The following FOXN3 variants were observed in gnomAD, a reference collection of about 807,000 sequenced individuals.
FOXN3 encodes the protein forkhead box protein N3.
In FOXN3, 7 loss-of-function variants were observed where a neutral mutation model predicts 38.4. That is an observed-to-expected ratio of 0.18 (90% confidence interval 0.10 to 0.34). FOXN3 has a LOEUF of 0.34. FOXN3 is among the 10% of genes least tolerant of loss of function. The pLI is 1.00. For missense variants in FOXN3, 456 were observed against 613.4 expected, an observed-to-expected ratio of 0.74 and a Z score of 2.71; for synonymous variants, 230 against 242.2, an observed-to-expected ratio of 0.95 and a Z score of 0.47.
intron 4 of FOXN3, among the ~76,000 whole-genome samples, chr14:89,221,481 T>G (rs1884459491): frequency 1.3e-5 from 2 of 152,258 alleles, no homozygotes; most frequent in South Asian, 4.1e-4. Flanking sequence ...ACAGTCAGAT[T>G]TGTGATATAT....
At chr14:89,199,891 G>A (rs1888191915) in intron 4 of FOXN3, among the ~76,000 whole-genome samples, 2 of 151,958 alleles carry the variant, frequency 1.3e-5, no homozygotes, top group South Asian at 4.2e-4. Flanking sequence ...GCGACACAGC[G>A]AGACTCCATC....
In FOXN3 at chr14:89,351,758, G is replaced by A. The variant is rs138171567; in HGVS notation, c.544-950C>T. Among the ~76,000 whole-genome samples, 285 of 152,206 alleles carry A rather than the reference G, an allele frequency of 1.9e-3. 1 individual carries two copies. Among genetic ancestry groups the A allele is most frequent in the African/African-American group, 6.5e-3 (271 of 41,530 alleles). ...AAAAGAAGTTAAATTACATAAACCC[G>A]TGCCCACCTCCTGCTTTCAGCCAAC... On this transcript the variant is annotated intron_variant, in intron 2 of 5. Coordinates refer to ENST00000557258, the MANE Select transcript of FOXN3 (RefSeq NM_005197.4).
At chr14:89,279,054 C>T (rs181045642) in intron 4 of FOXN3, among the ~76,000 whole-genome samples, 1 of 152,068 alleles carries the variant, frequency 6.6e-6, no homozygotes, top group Non-Finnish European at 1.5e-5. Flanking sequence ...ATTATCACAA[C>T]AAAAGTGTCT....
At chr14:89,411,753 T>G (rs1195414911) in intron 2 of FOXN3, among the ~76,000 whole-genome samples, 181 bp downstream of exon 2, 2 of 152,110 alleles carry the variant, frequency 1.3e-5, no homozygotes, top group East Asian at 3.9e-4. Context: ...TAATAAACAG[T>G]ACATAACTAA....
At position 89,552,347 on chromosome 14, in the gene FOXN3, G is replaced by A. The variant is rs1340056821; in HGVS notation, c.-15+66681C>T. On this transcript the variant is annotated intron_variant, in intron 1 of 6. Coordinates refer to the FOXN3 transcript ENST00000345097. ...GCATGCAGTTCACATATGTGTCACC[G>A]TCACGTGTATTATCTCTGACTTATA... Among the ~76,000 whole-genome samples the A allele has an allele frequency of 7.9e-5, 12 of 152,306 alleles. No individual in the cohort carries two copies. The East Asian group carries it at 1.9e-3, about 24-fold the overall frequency.
rs1160769468 is a variant in FOXN3 at position 89,606,665 on chromosome 14, C to A, written c.-15+12363G>T. 1.3e-5 allele frequency among the ~76,000 whole-genome samples: 2 copies of A among 152,102 alleles called. 1 individual carries two copies. The highest frequency in any genetic ancestry group is 3.9e-4 in the East Asian group (2 of 5,184). On this transcript the variant is annotated intron_variant, in intron 1 of 6. Coordinates refer to the FOXN3 transcript ENST00000345097. Reference sequence around the variant, plus strand: ...AGGAGTTCGAGACCAGCTTGGCCAACATGGCAAAACCCCAACTCTACCAAA... The same window carrying A: ...AGGAGTTCGAGACCAGCTTGGCCAAAATGGCAAAACCCCAACTCTACCAAA...
chr14:89,457,800 G>A (rs535929564), intron 1 of FOXN3, among the ~76,000 whole-genome samples: 5 of 152,124 alleles, frequency 3.3e-5, no homozygotes, highest in Admixed American at 1.3e-4. Context: ...ATCACCTGAG[G>A]TCGGGAGTTC....
At chr14:89,191,794 T>G (rs913364406) in intron 4 of FOXN3, among the ~76,000 whole-genome samples, 5 of 151,352 alleles carry the variant, frequency 3.3e-5, no homozygotes, top group Admixed American at 2.6e-4. Context: ...GAGTTTTTTT[T>G]CTATTTTGCC....
Position 89,198,656 on chromosome 14 carries a change from G to C in FOXN3, c.746-17850C>G, listed in dbSNP as rs535627220. Among the ~76,000 whole-genome samples the C allele has an allele frequency of 1.2e-4, 18 of 152,330 alleles. No individual in the cohort carries two copies. In the South Asian group the frequency reaches 3.1e-3, roughly 26 times the overall value. Reference sequence around the variant, plus strand: ...GAAAATGTTTTTGATTGTCATGACTGGGTGAGAGCTGGAGGGTGCTACTGG... The same window carrying C: ...GAAAATGTTTTTGATTGTCATGACTCGGTGAGAGCTGGAGGGTGCTACTGG... On this transcript the variant is annotated intron_variant, in intron 4 of 5. Transcript: ENST00000557258.
At chr14:89,283,738 C>T (rs1343298712) in intron 3 of FOXN3, among the ~76,000 whole-genome samples, 1 of 152,136 alleles carries the variant, frequency 6.6e-6, no homozygotes, top group East Asian at 1.9e-4. Context: ...TTTTAATCAC[C>T]TTAAAATGGT....
intron 2 of FOXN3, among the ~76,000 whole-genome samples, chr14:89,393,255 T>C (rs189186439): frequency 1.3e-5 from 2 of 152,316 alleles, no homozygotes; most frequent in East Asian, 3.9e-4. Context: ...CTCTTCTTTT[T>C]ATAAGAATGC....
In FOXN3 at chr14:89,274,133, G is replaced by C. The variant is rs140410402; in HGVS notation, c.745+6817C>G. ...AAATGGGAAAGCAATGAGTGGGCGA[G>C]GGTCAGGGCAAATTCAAACAAAACC... On this transcript the variant is annotated intron_variant, in intron 4 of 5. Coordinates refer to ENST00000557258, the MANE Select transcript of FOXN3 (RefSeq NM_005197.4). Among the ~76,000 whole-genome samples the C allele has an allele frequency of 2.5e-3, 373 of 152,224 alleles. 6 individuals carry two copies. The highest frequency in any genetic ancestry group is 8.5e-3 in the African/African-American group (355 of 41,524).
Position 89,325,335 on chromosome 14 carries a change from C to G in FOXN3, c.680+25337G>C, listed in dbSNP as rs947145170. 6.1e-5 allele frequency among the ~76,000 whole-genome samples: 9 copies of G among 146,488 alleles called. 1 individual carries two copies. Among genetic ancestry groups the G allele is most frequent in the African/African-American group, 2.0e-4 (8 of 39,720 alleles). ...CCACGACCACCACCACCACCACCAC[C>G]ACCACCACCACCACCACCACCACCA... On this transcript the variant is annotated intron_variant, in intron 3 of 5. Coordinates refer to ENST00000557258, the MANE Select transcript of FOXN3 (RefSeq NM_005197.4).
chr14:89,576,962 T>C (rs1055978029), intron 1 of FOXN3: 26 of 152,212 alleles, frequency 1.7e-4, no homozygotes, highest in Admixed American at 6.5e-5. Flanking sequence ...CTAAGTATAG[T>C]AGAATCAGAG....
At chr14:89,570,670 G>C (rs187505126) in intron 1 of FOXN3, among the ~76,000 whole-genome samples, 3 of 150,692 alleles carry the variant, frequency 2.0e-5, no homozygotes, top group African/African-American at 7.3e-5. Flanking sequence ...GAAACATTAT[G>C]AGTTTTTTGC....
chr14:89,407,562 G>C (rs1396645492), intron 2 of FOXN3, among the ~76,000 whole-genome samples: 1 of 152,144 alleles, frequency 6.6e-6, no homozygotes, highest in East Asian at 1.9e-4. Flanking sequence ...TGGGTGCAGC[G>C]ACTCATGCCT....
chr14:89,291,689 A>G (rs1429501661), intron 3 of FOXN3: 4 of 394,352 alleles, frequency 1.0e-5, no homozygotes, highest in Non-Finnish European at 2.0e-5. Flanking sequence ...TGTTGTTTTA[A>G]ATATACTGAA....
intron 1 of FOXN3, among the ~76,000 whole-genome samples, chr14:89,534,413 T>G (rs920290720): frequency 1.3e-5 from 2 of 152,076 alleles, no homozygotes; most frequent in Non-Finnish European, 2.9e-5. Context: ...TGTGTATTCT[T>G]TTTGATAGGA....
chr14:89,367,558 G>T (rs1334843829), intron 2 of FOXN3, among the ~76,000 whole-genome samples: 2 of 152,196 alleles, frequency 1.3e-5, no homozygotes, highest in African/African-American at 4.8e-5. Context: ...AGGGGTGCCA[G>T]GGAAAACTGC....
Sources: allele counts gnomAD v4.1 joint callset (sites outside exome capture counted in the v4.1 genomes callset), GRCh38; gene constraint gnomAD v4.1.1; transcripts MANE v1.5; gene names NCBI Gene and HGNC (gene_info 2026-07-23, HGNC 2026-07-21).